DGKB: variants seen among roughly 807,000 people sequenced by gnomAD.
DGKB encodes the protein 90 kDa diacylglycerol kinase.
A neutral mutation model predicts 114.3 loss-of-function variants in DGKB; 67 were observed. The observed-to-expected ratio is 0.59, with a 90% CI of 0.48 to 0.72. The LOEUF (loss-of-function observed/expected upper bound fraction) is 0.72, where lower values mean the gene tolerates loss of function less well. DGKB is among the 30% of genes least tolerant of loss of function. The pLI is 0.00. For synonymous variants in DGKB, 398 were observed against 323.1 expected, an observed-to-expected ratio of 1.23 and a Z score of -2.49; for missense variants, 907 against 975.2, an observed-to-expected ratio of 0.93 and a Z score of 0.93.
intron 21 of DGKB, among the ~76,000 whole-genome samples, chr7:14,373,761 G>A (rs1818053125): frequency 6.6e-6 from 1 of 152,084 alleles, no homozygotes; most frequent in African/African-American, 2.4e-5. Context: ...TCCTTGAGTG[G>A]TACCATGGTA....
At chr7:14,354,414 C>T (rs1189249996) in intron 21 of DGKB, among the ~76,000 whole-genome samples, 1 of 152,054 alleles carries the variant, frequency 6.6e-6, no homozygotes, top group African/African-American at 2.4e-5. Flanking sequence ...TTAGCATAAC[C>T]CTCTTTCTGG....
intron 21 of DGKB, among the ~76,000 whole-genome samples, chr7:14,440,463 C>T (rs1381147982): frequency 1.3e-5 from 2 of 152,080 alleles, no homozygotes; most frequent in Non-Finnish European, 2.9e-5. Flanking sequence ...TCATGACCCT[C>T]ATTCTTTCGG....
intron 25 of DGKB, among the ~76,000 whole-genome samples, chr7:14,170,753 G>C (rs551542420): frequency 8.5e-5 from 13 of 152,064 alleles, no homozygotes; most frequent in Non-Finnish European, 1.6e-4. Flanking sequence ...TTTTCTTTTT[G>C]AATAGTCTGT....
At chr7:14,424,638 A>C (rs181578019) in intron 21 of DGKB, among the ~76,000 whole-genome samples, 4 of 152,268 alleles carry the variant, frequency 2.6e-5, no homozygotes, top group African/African-American at 7.2e-5. Context: ...AATTTAAATA[A>C]AACACTAAAG....
At chr7:14,457,431 G>T (rs1832439590) in intron 21 of DGKB, among the ~76,000 whole-genome samples, 1 of 151,984 alleles carries the variant, frequency 6.6e-6, no homozygotes, top group African/African-American at 2.4e-5. Context: ...ATATAGTATT[G>T]CTTGCATTTT....
At chr7:14,674,459 T>C (rs1819520150) in intron 12 of DGKB, among the ~76,000 whole-genome samples, 1 of 152,150 alleles carries the variant, frequency 6.6e-6, no homozygotes, top group Non-Finnish European at 1.5e-5. Flanking sequence ...ACCTAGTAAT[T>C]AACTTTCTTA....
chr7:14,214,269 T>C (rs80273094), intron 23 of DGKB, among the ~76,000 whole-genome samples: 2 of 152,134 alleles, frequency 1.3e-5, no homozygotes, highest in Non-Finnish European at 2.9e-5. Context: ...TTGTTGACAC[T>C]CTTGTCTTCA....
chr7:14,641,160 T>A (rs1248234596), intron 13 of DGKB, among the ~76,000 whole-genome samples: 2 of 152,202 alleles, frequency 1.3e-5, no homozygotes, highest in African/African-American at 2.4e-5. Context: ...ATTATCATTT[T>A]AAAAATATTT....
At chr7:14,925,575 C>CA (rs1047887842) in intron 1 of DGKB, among the ~76,000 whole-genome samples, 42 of 152,200 alleles carry the variant, frequency 2.8e-4, no homozygotes, top group African/African-American at 9.4e-4. Context: ...TTTATTGCAT[C>CA]AAAAATTTTT....
At chr7:14,318,744 C>G (rs1369506860) in intron 23 of DGKB, among the ~76,000 whole-genome samples, 1 of 152,080 alleles carries the variant, frequency 6.6e-6, no homozygotes, top group Non-Finnish European at 1.5e-5. Flanking sequence ...CCTCAGGGAT[C>G]TAGAACTAGA....
chr7:14,190,707 T>C (rs1225614793), intron 23 of DGKB: 1 of 152,002 alleles, frequency 6.6e-6, no homozygotes, highest in Non-Finnish European at 1.5e-5. Flanking sequence ...AAGGATGAAG[T>C]AGGAGATATT....
At chr7:14,836,313 T>G (rs1847151210) in intron 2 of DGKB, among the ~76,000 whole-genome samples, 1 of 152,180 alleles carries the variant, frequency 6.6e-6, no homozygotes, top group Non-Finnish European at 1.5e-5. Context: ...TGCTATAAAC[T>G]GTATGAAATT....
At chr7:14,524,710 C>G (rs571618065) in intron 20 of DGKB, among the ~76,000 whole-genome samples, 2 of 148,356 alleles carry the variant, frequency 1.3e-5, no homozygotes, top group East Asian at 2.0e-4. Flanking sequence ...GAGTGGAGAT[C>G]GCACCACTGC....
At chr7:14,967,502 G>C (rs1787222411) in intron 1 of DGKB, among the ~76,000 whole-genome samples, 1 of 151,540 alleles carries the variant, frequency 6.6e-6, no homozygotes, top group African/African-American at 2.4e-5. Context: ...TGTATTTTTA[G>C]TAGAGACGAG....
chr7:14,514,523 T>C (rs1478543619), intron 20 of DGKB, among the ~76,000 whole-genome samples: 4 of 152,196 alleles, frequency 2.6e-5, no homozygotes, highest in Non-Finnish European at 5.9e-5. Flanking sequence ...AATTGTTTAT[T>C]GACAGATTTG....
intron 4 of DGKB, among the ~76,000 whole-genome samples, chr7:14,747,775 G>GCGCGCGCACACACACACA: frequency 5.4e-4 from 80 of 149,278 alleles, no homozygotes; most frequent in African/African-American, 1.8e-3. Flanking sequence ...ACATCCACGC[G>GCGCGCGCACACACACACA]CACGCACACA....
chr7:14,405,879 A>C (rs1823853968), intron 21 of DGKB, among the ~76,000 whole-genome samples: 1 of 151,980 alleles, frequency 6.6e-6, no homozygotes. Context: ...GGCAGGAAAG[A>C]GTTTGGTGTC....
chr7:14,176,242 G>T, intron 25 of DGKB: 1 of 746,212 alleles, frequency 1.3e-6, no homozygotes, highest in Non-Finnish European at 1.6e-6. Flanking sequence ...GCCAAAAGCA[G>T]TTCCTAGCAT....
intron 2 of DGKB, among the ~76,000 whole-genome samples, chr7:14,763,474 A>G (rs990767968): frequency 8.5e-5 from 13 of 152,260 alleles, no homozygotes; most frequent in South Asian, 4.1e-4. Context: ...GAAGAAATCA[A>G]AGTTAAGGAA....
Sources: gnomAD v4.1 joint callset for allele counts (sites outside exome capture counted in the v4.1 genomes callset) on GRCh38, gnomAD v4.1.1 for gene constraint, MANE v1.5 for transcripts, NCBI Gene and HGNC (gene_info 2026-07-23, HGNC 2026-07-21) for gene names.